PSME4: variants seen among roughly 807,000 people sequenced by gnomAD.
The protein encoded by PSME4 is proteasome activator subunit 4, also known as proteasome activator complex subunit 4.
PSME4 carries 89 observed loss-of-function variants against 253.9 expected under a neutral mutation model. The ratio of observed to expected loss-of-function variants is 0.35; its 90% confidence interval spans 0.30 to 0.42. PSME4 has a LOEUF of 0.42. PSME4 is among the 10% of genes least tolerant of loss of function. The pLI is 1.00. For synonymous variants in PSME4, 851 were observed against 759.2 expected (o/e 1.12, Z -1.99); for missense variants, 2,014 against 2,195.2 (o/e 0.92, Z 1.65).
In PSME4 at chr2:53,866,206, G is replaced by A. The variant is rs1244714766; in HGVS notation, c.5415C>T (p.Thr1805=). ...GGTGAGTCCTTCGGAAATTGGATAA[G>A]GTTTTTTTTACAGTCATCTGTAAAG... is the stretch of plus-strand genomic sequence containing the variant. ...PQPIEMTVKK[T]LSNFRRTHHD... Residue 1805 remains threonine (T), a synonymous_variant, in exon 46 of 47, where the codon ACC becomes ACT. Coordinates refer to ENST00000404125, the MANE Select transcript of PSME4 (RefSeq NM_014614.3). 4.3e-6 allele frequency: 7 copies of A among 1,613,868 alleles called. No individual in the cohort carries two copies. The highest frequency in any genetic ancestry group is 1.7e-5 in the Admixed American group (1 of 59,990).
intron 17 of PSME4, among the ~76,000 whole-genome samples, chr2:53,922,248 T>G (rs805312): frequency 0.29 from 44,629 of 151,994 alleles, 6,970 homozygotes; most frequent in South Asian, 0.48. Context: ...CCAAAAAAAT[T>G]CCCAAATCTG....
intron 1 of PSME4, among the ~76,000 whole-genome samples, chr2:53,967,647 C>T (rs13415237): frequency 1.6e-4 from 3 of 18,480 alleles, no homozygotes; most frequent in East Asian, 6.1e-3. Flanking sequence ...GTGAGATTGT[C>T]TCAAAAAAAA....
chr2:53,931,373 A>C (rs1176096604), intron 10 of PSME4, among the ~76,000 whole-genome samples: 1 of 152,252 alleles, frequency 6.6e-6, no homozygotes, highest in Non-Finnish European at 1.5e-5. Context: ...ATTTCAACAC[A>C]CAAAACACAA....
At position 53,919,356 on chromosome 2, in the gene PSME4, G is replaced by T. The variant is rs1668198586; in HGVS notation, c.2421-110C>A. 1.2e-5 allele frequency: 16 copies of T among 1,346,232 alleles called. No homozygotes were observed. In the South Asian group the frequency reaches 2.3e-4, roughly 20 times the overall value. The allele number at this position is 1,346,232 out of a possible 1,614,324, so 83.4% of individuals were successfully genotyped here. On this transcript the variant is annotated intron_variant, in intron 19 of 46. Coordinates refer to ENST00000404125, the MANE Select transcript of PSME4 (RefSeq NM_014614.3). The stretch of plus-strand genomic sequence containing the variant: ...TGGGGATATAAATGATTAAGGTAAA[G>T]AAATAGCAAATGTCTTCAGTTTACC...
At chr2:53,922,368 T>G in intron 17 of PSME4, 149 bp downstream of exon 17, 2 of 730,020 alleles carry the variant, frequency 2.7e-6, no homozygotes, top group Non-Finnish European at 2.3e-6. Flanking sequence ...AATAAGAGTA[T>G]GACATATTCT....
intron 1 of PSME4, among the ~76,000 whole-genome samples, chr2:53,954,774 G>A (rs1041592576): frequency 6.6e-6 from 1 of 151,920 alleles, no homozygotes; most frequent in African/African-American, 2.4e-5. Flanking sequence ...CCTGGATGTG[G>A]AGGTTGCAGT....
intron 40 of PSME4, among the ~76,000 whole-genome samples, chr2:53,886,467 G>A (rs1172854395): frequency 6.6e-6 from 1 of 152,184 alleles, no homozygotes; most frequent in Non-Finnish European, 1.5e-5. Context: ...TGAAATATCA[G>A]TAATCATTAG....
intron 41 of PSME4, among the ~76,000 whole-genome samples, chr2:53,877,858 A>G (rs914073556): frequency 2.6e-5 from 4 of 152,192 alleles, no homozygotes; most frequent in Admixed American, 2.0e-4. Flanking sequence ...CATAATGCTG[A>G]GCTTTAAATA....
chr2:53,947,837 G>A (rs920909058), intron 3 of PSME4, among the ~76,000 whole-genome samples: 3 of 152,038 alleles, frequency 2.0e-5, no homozygotes, highest in Admixed American at 6.6e-5. Context: ...CCAACATGGC[G>A]AAACCCCATC....
chr2:53,915,209 G>A (rs1668001290), intron 20 of PSME4, among the ~76,000 whole-genome samples: 2 of 152,288 alleles, frequency 1.3e-5, no homozygotes, highest in Admixed American at 6.5e-5. Flanking sequence ...TGGATGTGGA[G>A]ACAGGCAGAT....
At chr2:53,947,502 G>C (rs1438040466) in intron 3 of PSME4, among the ~76,000 whole-genome samples, 2 of 151,838 alleles carry the variant, frequency 1.3e-5, no homozygotes, top group African/African-American at 4.8e-5. Flanking sequence ...TCAGGAGATA[G>C]AGACCATCTT....
intron 21 of PSME4, 114 bp downstream of exon 21, chr2:53,909,961 C>T (rs1326718629): frequency 1.5e-5 from 14 of 934,146 alleles, no homozygotes; most frequent in Non-Finnish European, 2.5e-5. Context: ...CAGAGTGAGA[C>T]TCTGTCTCAA....
chr2:53,874,561 A>C, intron 42 of PSME4, 67 bp from the exon 43 acceptor site: 1 of 1,370,392 alleles, frequency 7.3e-7, no homozygotes, highest in Non-Finnish European at 1.0e-6. Context: ...ACAGATAGTG[A>C]CATTACACAC....
intron 41 of PSME4, among the ~76,000 whole-genome samples, chr2:53,876,248 A>G (rs916668135): frequency 6.6e-6 from 1 of 152,208 alleles, no homozygotes; most frequent in East Asian, 1.9e-4. Flanking sequence ...ATCTCTTTCA[A>G]TGCATATATT....
At chr2:53,898,036 T>G in intron 30 of PSME4, 37 bp from the exon 31 acceptor site, 4 of 1,576,718 alleles carry the variant, frequency 2.5e-6, no homozygotes, top group Non-Finnish European at 3.4e-6. Context: ...ATATCACACA[T>G]AAAACCACTT....
intron 8 of PSME4, 86 bp downstream of exon 8, chr2:53,934,519 T>A: frequency 7.3e-7 from 1 of 1,373,984 alleles, no homozygotes; most frequent in Non-Finnish European, 9.9e-7. Context: ...GCCACTATTA[T>A]CAACTTCTGC....
chr2:53,939,456 T>G (rs1220498331), intron 4 of PSME4, among the ~76,000 whole-genome samples: 2 of 152,190 alleles, frequency 1.3e-5, no homozygotes, highest in African/African-American at 4.8e-5. Context: ...CTGGGAGTGG[T>G]GGCTCACACC....
chr2:53,868,809 T>C (rs1228688816), intron 44 of PSME4, among the ~76,000 whole-genome samples: 1 of 151,754 alleles, frequency 6.6e-6, no homozygotes. Flanking sequence ...TGATTACAGT[T>C]AACATGGCAA....
chr2:53,927,935 C>A (rs1251381685), intron 11 of PSME4, among the ~76,000 whole-genome samples, 182 bp downstream of exon 11: 1 of 152,050 alleles, frequency 6.6e-6, no homozygotes, highest in African/African-American at 2.4e-5. Flanking sequence ...AGGTGACAGA[C>A]CAAGACTCCG....
Sources: allele counts gnomAD v4.1 joint callset (sites outside exome capture counted in the v4.1 genomes callset), GRCh38; gene constraint gnomAD v4.1.1; transcripts MANE v1.5; gene names NCBI Gene and HGNC (gene_info 2026-07-23, HGNC 2026-07-21).